The following NOC3L variants were observed in gnomAD, a reference collection of about 807,000 sequenced individuals.
NOC3L encodes the protein NOC3 like DNA replication regulator.
Under a neutral mutation model 102.5 loss-of-function variants are expected in NOC3L, and 85 were observed. The ratio of observed to expected loss-of-function variants is 0.83; its 90% CI spans 0.70 to 0.99. The LOEUF is 0.99. Ranked by LOEUF, NOC3L falls within the 50% of genes least tolerant of loss-of-function variation. The pLI is 0.00. For missense variants in NOC3L, 878 were observed against 914.9 expected (o/e 0.96, Z 0.52); for synonymous variants, 303 against 309.4 (o/e 0.98, Z 0.22).
At position 94,358,170 on chromosome 10, in the gene NOC3L, G is replaced by A. The variant is rs1259745719; in HGVS notation, c.263C>T (p.Pro88Leu). The A allele has an allele frequency of 6.2e-7, 1 of 1,609,436 alleles. No individual in the cohort carries two copies. The highest frequency in any genetic ancestry group is 1.1e-5 in the South Asian group (1 of 91,008). Residue 88 changes from proline to leucine, a missense_variant, in exon 3 of 21, where the codon CCT becomes CTT. Coordinates refer to ENST00000371361, the MANE Select transcript of NOC3L (RefSeq NM_022451.11). Reference protein sequence around the residue: ...REEEEEEEALPLDMMDEDDLQ... With the variant: ...REEEEEEEALLLDMMDEDDLQ... ...GTCATCTTCATCCATCATATCTAAA[G>A]GAAGGGCTTCTTCTTCTTCCTCTTC...
At chr10:94,336,595 G>A (rs113690072) in intron 19 of NOC3L, among the ~76,000 whole-genome samples, 5 of 151,510 alleles carry the variant, frequency 3.3e-5, no homozygotes, top group South Asian at 2.1e-4. Context: ...TGATCCACCC[G>A]CATCGGCCTC....
At chr10:94,320,259 C>A in the NOC3L span, among the ~76,000 whole-genome samples, 1 of 151,938 alleles carries the variant, frequency 6.6e-6, no homozygotes, top group Non-Finnish European at 1.5e-5. Context: ...ATCTCTTCCC[C>A]CCCTTCCATT....
chr10:94,361,532 G>A (rs1272067787), intron 2 of NOC3L, 133 bp downstream of exon 2: 1 of 755,010 alleles, frequency 1.3e-6, no homozygotes, highest in East Asian at 2.5e-5. Context: ...AGTCCTATAG[G>A]ACTACTATCC....
At chr10:94,349,166 TATA>T (rs933975380) in intron 10 of NOC3L, 81 bp downstream of exon 10, 3 of 1,460,308 alleles carry the variant, frequency 2.1e-6, no homozygotes, top group Admixed American at 5.1e-5. Context: ...TTCATACACT[TATA>T]AGGAATAAAT....
At chr10:94,315,851 T>C in the NOC3L span, among the ~76,000 whole-genome samples, 1 of 152,070 alleles carries the variant, frequency 6.6e-6, no homozygotes, top group Non-Finnish European at 1.5e-5. Flanking sequence ...TGATTTATGC[T>C]TCAACCATAA....
At chr10:94,339,056 A>G (rs2054253233) in intron 17 of NOC3L, among the ~76,000 whole-genome samples, 2 of 152,218 alleles carry the variant, frequency 1.3e-5, no homozygotes, top group Admixed American at 6.5e-5. Context: ...GATATTCACT[A>G]TAGCATCATT....
the NOC3L span, among the ~76,000 whole-genome samples, chr10:94,323,310 C>G: frequency 9.2e-5 from 14 of 152,196 alleles, no homozygotes; most frequent in Non-Finnish European, 2.1e-4. Flanking sequence ...TACAACACAA[C>G]AATTAAGAGC....
At chr10:94,321,850 T>G in the NOC3L span, 6 of 1,431,464 alleles carry the variant, frequency 4.2e-6, no homozygotes, top group Non-Finnish European at 5.9e-6. Context: ...TTGTCTTTCT[T>G]TATTCTGCAT....
At chr10:94,327,788 C>G in the NOC3L span, among the ~76,000 whole-genome samples, 1 of 151,988 alleles carries the variant, frequency 6.6e-6, no homozygotes, top group African/African-American at 2.4e-5. Flanking sequence ...CAGAAATAAC[C>G]TAATGTTCTA....
At chr10:94,334,807 T>C in intron 19 of NOC3L, 89 bp from the exon 20 acceptor site, 1 of 915,122 alleles carries the variant, frequency 1.1e-6, no homozygotes, top group Non-Finnish European at 1.7e-6. Flanking sequence ...TGATTCATTC[T>C]TAACCCATAT....
the NOC3L span, chr10:94,324,776 C>A: frequency 9.0e-7 from 1 of 1,113,906 alleles, no homozygotes; most frequent in Non-Finnish European, 1.3e-6. Flanking sequence ...AGCTCCTCAG[C>A]CCTACTCTCT....
the NOC3L span, chr10:94,324,975 A>C: frequency 2.0e-5 from 33 of 1,614,016 alleles, no homozygotes; most frequent in Non-Finnish European, 2.7e-5. Context: ...AGCCCCGAGG[A>C]CTTACATCAC....
chr10:94,321,356 G>A, the NOC3L span, among the ~76,000 whole-genome samples: 2 of 152,334 alleles, frequency 1.3e-5, no homozygotes, highest in Admixed American at 1.3e-4. Context: ...CAGCTAGGCG[G>A]GGCACAGTGG....
At chr10:94,340,897 T>C (rs907845328) in intron 14 of NOC3L, among the ~76,000 whole-genome samples, 11 of 148,400 alleles carry the variant, frequency 7.4e-5, no homozygotes, top group East Asian at 2.0e-4. Context: ...AGGAGAATGG[T>C]GTGAACCCGG....
chr10:94,315,516 C>G, the NOC3L span: 4 of 455,804 alleles, frequency 8.8e-6, no homozygotes, highest in East Asian at 2.8e-4. Flanking sequence ...TGCCTGTAAT[C>G]CCGGCACTTT....
intron 5 of NOC3L, 75 bp downstream of exon 5, chr10:94,356,460 C>A: frequency 1.1e-6 from 1 of 881,674 alleles, no homozygotes. Flanking sequence ...CAGATTTCAT[C>A]TAAAATTAAC....
chr10:94,355,243 C>G (rs1286986423), intron 5 of NOC3L, 150 bp from the exon 6 acceptor site: 5 of 569,142 alleles, frequency 8.8e-6, no homozygotes, highest in African/African-American at 5.7e-5. Flanking sequence ...AATACAGGTA[C>G]TATCATTGGA....
chr10:94,327,069 G>A, the NOC3L span, among the ~76,000 whole-genome samples: 1 of 152,186 alleles, frequency 6.6e-6, no homozygotes, highest in Non-Finnish European at 1.5e-5. Flanking sequence ...GGCTGAGGCA[G>A]GAGAATCGCT....
chr10:94,340,226 T>C (rs1266619962), intron 16 of NOC3L, 50 bp downstream of exon 16: 1 of 1,461,430 alleles, frequency 6.8e-7, no homozygotes, highest in Admixed American at 1.8e-5. Context: ...TCATAACATA[T>C]TCTTAAAACA....
Sources: allele counts gnomAD v4.1 joint callset (sites outside exome capture counted in the v4.1 genomes callset), GRCh38; gene constraint gnomAD v4.1.1; transcripts MANE v1.5; gene names NCBI Gene and HGNC (gene_info 2026-07-23, HGNC 2026-07-21).